MGAM: variants seen among roughly 807,000 people sequenced by gnomAD.
MGAM encodes the protein maltase-glucoamylase.
A neutral mutation model predicts 358.8 loss-of-function variants in MGAM; 253 were observed. The observed-to-expected ratio is 0.71, with a 90% CI of 0.64 to 0.78. MGAM has a LOEUF of 0.78. Ranked by LOEUF, MGAM falls within the 30% of genes least tolerant of loss-of-function variation. MGAM has a pLI of 0.00. For synonymous variants in MGAM, 1,105 were observed against 1,227.1 expected (o/e 0.90, Z 2.08); for missense variants, 3,080 against 3,432.6 (o/e 0.90, Z 2.57).
In MGAM at chr7:141,988,006, G is replaced by T. The variant is rs192271005; in HGVS notation, c.-2-17523G>T. ...AATAGTACAGATTAAAGTACTCCGA[G>T]GCTGGGCGTGGTGGCTCATGCCTTT... On this transcript the variant is annotated intron_variant, in intron 2 of 5. Coordinates refer to the MGAM transcript ENST00000465654. Among the ~76,000 whole-genome samples the T allele has an allele frequency of 1.8e-3, 275 of 152,286 alleles. 1 individual carries two copies. The highest frequency in any genetic ancestry group is 6.2e-3 in the African/African-American group (258 of 41,558).
chr7:142,081,913 T>A, intron 50 of MGAM, 129 bp from the exon 51 acceptor site: 1 of 967,668 alleles, frequency 1.0e-6, no homozygotes, highest in Non-Finnish European at 1.6e-6. Context: ...AAATTGAGTT[T>A]CAGTTTTGTT....
rs1563191239 is a variant in MGAM at position 142,067,963 on chromosome 7, TAAA to T, written c.5004+539_5004+541del. On this transcript the variant is annotated intron_variant, in intron 42 of 70. Transcript: ENST00000475668. ...ATATATATATATATATATATATATA[TAAA>T]TATATATATATATATATATATTTTT... Among the ~76,000 whole-genome samples, 113 of 34,374 alleles carry T rather than the reference TAAA, an allele frequency of 3.3e-3. 3 individuals carry two copies. Among genetic ancestry groups the T allele is most frequent in the African/African-American group, 9.6e-3 (107 of 11,138 alleles). The allele number at this position is 34,374 out of a possible 152,430, so 22.6% of individuals were successfully genotyped here. A position where few individuals can be genotyped will look rare whatever the true frequency, so the allele number is the denominator to read the frequency against.
chr7:141,994,578 C>T (rs1403738747), upstream of MGAM, among the ~76,000 whole-genome samples: 1 of 152,174 alleles, frequency 6.6e-6, no homozygotes, highest in Non-Finnish European at 1.5e-5. Flanking sequence ...TTAGGTTTCA[C>T]AATAGTGATT....
At chr7:142,094,908 C>A (rs1815756250) in intron 63 of MGAM, 45 bp downstream of exon 63, 1 of 1,574,218 alleles carries the variant, frequency 6.4e-7, no homozygotes, top group Non-Finnish European at 8.7e-7. Context: ...TGAAACACAG[C>A]CTCCATTTCT....
intron 65 of MGAM, among the ~76,000 whole-genome samples, chr7:142,097,112 T>A (rs1815991096): frequency 1.3e-5 from 2 of 151,332 alleles, no homozygotes; most frequent in Non-Finnish European, 1.5e-5. Flanking sequence ...TTTTTTTTTT[T>A]ATTTTTAGTA....
chr7:141,987,557 A>C (rs1405365619), intron 2 of MGAM, among the ~76,000 whole-genome samples: 2 of 152,040 alleles, frequency 1.3e-5, no homozygotes, highest in African/African-American at 4.8e-5. Context: ...TGAGCTTCCC[A>C]CACAGAAGTG....
rs1812534245 is a variant in MGAM, at chr7:142,064,495, G to T, written c.4457G>T (p.Gly1486Val). 6.3e-7 allele frequency: 1 copy of T among 1,579,082 alleles called. No homozygotes were observed. Among genetic ancestry groups the T allele is most frequent in the Non-Finnish European group, 8.6e-7 (1 of 1,162,414 alleles). The change falls in exon 37 of 71, where the codon GGG becomes GTG. Residue 1486 changes from glycine to valine, a missense_variant. Around this residue, in one of 5 missense-constraint regions of MGAM, gnomAD observed 1,816 missense variants for 1,840.5 expected, o/e 0.99. Transcript: ENST00000475668. ...CACTACAACGTGCACAACCTGTATGGGTGGTCCCAGACCAGACCCACATAC... is the reference window on the plus strand; with the variant it reads ...CACTACAACGTGCACAACCTGTATGTGTGGTCCCAGACCAGACCCACATAC... ...VQHYNVHNLYGWSQTRPTYEA... is the reference protein window; with the variant it reads ...VQHYNVHNLYVWSQTRPTYEA...
intron 1 of MGAM, among the ~76,000 whole-genome samples, chr7:141,996,261 A>G (rs1188276676): frequency 6.6e-6 from 1 of 151,380 alleles, no homozygotes; most frequent in Non-Finnish European, 1.5e-5. Flanking sequence ...AGATCACGCC[A>G]CTGCACTCCA....
At position 141,998,725 on chromosome 7, in the gene MGAM, G is replaced by A. The variant is rs148397932; in HGVS notation, c.-3+2795G>A. Reference sequence around the variant, plus strand: ...AGTGCTGCAGTAAACATACGTGTGCGTGTGTCTTTATAGTAGAATGATTTA... The same window carrying A: ...AGTGCTGCAGTAAACATACGTGTGCATGTGTCTTTATAGTAGAATGATTTA... On this transcript the variant is annotated intron_variant, in intron 1 of 70. Coordinates refer to ENST00000475668, the MANE Select transcript of MGAM (RefSeq NM_001365693.1). 7.4e-3 allele frequency among the ~76,000 whole-genome samples: 1,125 copies of A among 152,186 alleles called. 15 individuals carry two copies. The highest frequency in any genetic ancestry group is 0.058 in the South Asian group (280 of 4,822).
At chr7:142,055,067 T>G (rs1263364541) in intron 27 of MGAM, among the ~76,000 whole-genome samples, 159 bp downstream of exon 27, 1 of 152,328 alleles carries the variant, frequency 6.6e-6, no homozygotes, top group East Asian at 1.9e-4. Context: ...AGGAAATCTT[T>G]AGCATTCTGG....
At position 142,086,218 on chromosome 7, in the gene MGAM, G is replaced by T. The variant is rs1271317175; in HGVS notation, c.6637G>T (p.Asp2213Tyr). Residue 2213 changes from aspartate (D) to tyrosine (Y), a missense_variant and splice_region_variant, in exon 56 of 71, where the codon GAT becomes TAT. Transcript: ENST00000475668. ...CAACTGACTTATGCTTTGATTTCAG[G>T]ATCCAGCCATTTCTGGCAATGAGAC... ...ADGMRVILIL[D>Y]PAISGNETQP... is the part of the protein sequence containing the mutation. 5.2e-6 allele frequency: 8 copies of T among 1,531,180 alleles called. 1 individual carries two copies. Among genetic ancestry groups the T allele is most frequent in the Non-Finnish European group, 7.2e-6 (8 of 1,118,756 alleles). 94.8% of individuals were successfully genotyped at this position (1,531,180 alleles called of 1,614,324 possible). A position where few individuals can be genotyped will look rare whatever the true frequency, so the allele number is the denominator to read the frequency against.
intron 19 of MGAM, among the ~76,000 whole-genome samples, chr7:142,039,146 C>T (rs1486432327): frequency 3.4e-5 from 5 of 146,600 alleles, no homozygotes. Context: ...CACTCTGTCA[C>T]CCAGGCTGGA....
At position 142,052,786 on chromosome 7, in the gene MGAM, A is replaced by G. The variant is rs1438468624; in HGVS notation, c.2961A>G (p.Ala987=). 1 of 1,613,852 alleles carries G rather than the reference A, an allele frequency of 6.2e-7. No individual in the cohort carries two copies. Among genetic ancestry groups the G allele is most frequent in the East Asian group, 2.2e-5 (1 of 44,866 alleles). ...NCTARGCIWE[A]SNSSGVPFCY... Reference sequence around the variant, plus strand: ...ATGACTTTGGCCTTACTTTTCAGGCATCCAATTCTTCTGGAGTCCCTTTTT... The same window carrying G: ...ATGACTTTGGCCTTACTTTTCAGGCGTCCAATTCTTCTGGAGTCCCTTTTT... Residue 987 remains alanine (A), a splice_region_variant and synonymous_variant, in exon 26 of 71, where the codon GCA becomes GCG. Coordinates refer to ENST00000475668, the MANE Select transcript of MGAM (RefSeq NM_001365693.1).
rs531225141 is a variant in MGAM, at chr7:142,077,342, G to T, written c.5493+516G>T. On this transcript the variant is annotated intron_variant, in intron 47 of 70. Coordinates refer to ENST00000475668, the MANE Select transcript of MGAM (RefSeq NM_001365693.1). ...ACTGTGTGTGAGCATTGTTGGGAGTGGGAGTGGGGGCTGGGGACTAGTAGA... is the reference window on the plus strand; with the variant it reads ...ACTGTGTGTGAGCATTGTTGGGAGTTGGAGTGGGGGCTGGGGACTAGTAGA... Among the ~76,000 whole-genome samples, 206 of 145,254 alleles carry T rather than the reference G, an allele frequency of 1.4e-3. 29 individuals are homozygous for T. Among genetic ancestry groups the T allele is most frequent in the Non-Finnish European group, 2.7e-3 (173 of 64,084 alleles).
chr7:142,101,764 TG>T (rs1430273759), intron 68 of MGAM, among the ~76,000 whole-genome samples: 2 of 151,772 alleles, frequency 1.3e-5, no homozygotes, highest in Non-Finnish European at 2.9e-5. Context: ...AAAAATTAGC[TG>T]GGCATGGTGG....
chr7:142,049,633 T>G (rs1318908271), intron 22 of MGAM, among the ~76,000 whole-genome samples: 1 of 152,006 alleles, frequency 6.6e-6, no homozygotes, highest in Non-Finnish European at 1.5e-5. Flanking sequence ...AAAAAGTGGG[T>G]GAAGGACCTG....
intron 2 of MGAM, among the ~76,000 whole-genome samples, chr7:141,990,242 T>G (rs1171219835): frequency 6.6e-6 from 1 of 152,206 alleles, no homozygotes; most frequent in Admixed American, 6.5e-5. Flanking sequence ...GAATGCTTAC[T>G]ATGGCCTATG....
rs868919559 is a variant in MGAM at position 142,034,672 on chromosome 7, C to T, written c.1790C>T (p.Ala597Val). 5.6e-6 allele frequency: 9 copies of T among 1,612,614 alleles called. No individual in the cohort carries two copies. The African/African-American group carries it at 6.7e-5, about 12-fold the overall frequency. ...GYSMAVATAE[A>V]AKTVFPNKRS... The stretch of plus-strand genomic sequence containing the variant: ...CCTTAAATCTCTCTCCCTTGCAGAG[C>T]TGCCAAGACTGTGTTCCCTAATAAG... The change falls in exon 16 of 71, where the codon GCT (alanine) becomes GTT (valine). Residue 597 changes from alanine to valine, a missense_variant and splice_region_variant. By Grantham distance (64) the Ala-to-Val change is moderately conservative. This residue lies in a region of MGAM where 1,816 missense variants were observed against 1,840.5 expected (regional missense o/e 0.99). Coordinates refer to ENST00000475668, the MANE Select transcript of MGAM (RefSeq NM_001365693.1).
intron 63 of MGAM, 69 bp downstream of exon 63, chr7:142,094,932 T>A: frequency 6.7e-7 from 1 of 1,501,544 alleles, no homozygotes; most frequent in East Asian, 2.3e-5. Context: ...CTAAAGTTAA[T>A]GCAGTCTGTA....
Sources: gnomAD v4.1 joint callset for allele counts (sites outside exome capture counted in the v4.1 genomes callset) on GRCh38, gnomAD v4.1.1 for gene constraint, gnomAD v4.1.1 regional missense constraint, MANE v1.5 for transcripts, NCBI Gene and HGNC (gene_info 2026-07-23, HGNC 2026-07-21) for gene names.